Variants in TNRC6A observed in about 807,000 individuals in gnomAD.
The protein encoded by TNRC6A is trinucleotide repeat containing adaptor 6A.
TNRC6A carries 44 observed loss-of-function variants against 221.2 expected under a neutral mutation model. That is an observed-to-expected ratio of 0.20 (90% CI 0.16 to 0.26). TNRC6A has a LOEUF of 0.26. Ranked by LOEUF, TNRC6A falls within the 10% of genes least tolerant of loss-of-function variation. The pLI is 1.00. For synonymous variants in TNRC6A, 847 were observed against 838.5 expected, an observed-to-expected ratio of 1.01 and a Z score of -0.18; for missense variants, 2,199 against 2,404.4, an observed-to-expected ratio of 0.91 and a Z score of 1.79.
intron 2 of TNRC6A, among the ~76,000 whole-genome samples, chr16:24,694,481 C>T (rs2055818220): frequency 6.6e-6 from 1 of 152,014 alleles, no homozygotes; most frequent in South Asian, 2.1e-4. Flanking sequence ...TGGTGAAACC[C>T]TGTCTCTACT....
chr16:24,643,086 T>TATATAAC (rs1555483539), intron 2 of TNRC6A, among the ~76,000 whole-genome samples: 1 of 136,928 alleles, frequency 7.3e-6, no homozygotes, highest in East Asian at 2.1e-4. Context: ...ATATTATATA[T>TATATAAC]ATATATTTTA....
chr16:24,703,247 C>G (rs1390876837), intron 2 of TNRC6A, among the ~76,000 whole-genome samples: 1 of 152,112 alleles, frequency 6.6e-6, no homozygotes. Context: ...TACTTCCTCT[C>G]TCTATGGATT....
At chr16:24,663,534 T>C in intron 2 of TNRC6A, 1 of 162,494 alleles carries the variant, frequency 6.2e-6, no homozygotes, top group Non-Finnish European at 1.4e-5. Context: ...CCAACCTTGG[T>C]GACAGAGTGA....
At chr16:24,803,146 C>T (rs184092304) in intron 11 of TNRC6A, among the ~76,000 whole-genome samples, 4 of 152,214 alleles carry the variant, frequency 2.6e-5, no homozygotes, top group East Asian at 3.9e-4. Flanking sequence ...AGGCCAGGTG[C>T]GGTGGCTCAC....
chr16:24,816,141 A>G (rs190070289), intron 19 of TNRC6A: 13 of 152,102 alleles, frequency 8.5e-5, no homozygotes, highest in Admixed American at 8.5e-4. Flanking sequence ...CCTAGCTAAC[A>G]CGGTGAAACC....
chr16:24,729,892 G>A (rs749456421), intron 1 of TNRC6A, 46 bp downstream of exon 1: 25 of 1,229,794 alleles, frequency 2.0e-5, no homozygotes, highest in Middle Eastern at 3.1e-4. Context: ...AGCCGCGGGC[G>A]CTGCCGCAGG....
At chr16:24,776,191 G>A (rs35450506) in intron 4 of TNRC6A, 4 of 894,906 alleles carry the variant, frequency 4.5e-6, no homozygotes, top group Non-Finnish European at 5.3e-6. Context: ...ACTAGCTTAA[G>A]GCATTTCCAT....
intron 5 of TNRC6A, among the ~76,000 whole-genome samples, chr16:24,787,727 G>A (rs552327979): frequency 3.0e-4 from 45 of 152,188 alleles, no homozygotes; most frequent in African/African-American, 1.0e-3. Flanking sequence ...TATCATTTCC[G>A]GTCTCTCTCC....
intron 2 of TNRC6A, among the ~76,000 whole-genome samples, chr16:24,641,226 C>T (rs1596576356): frequency 1.3e-5 from 2 of 152,316 alleles, no homozygotes; most frequent in South Asian, 4.1e-4. Flanking sequence ...ACGTCACCTT[C>T]TGAAGGTGGA....
intron 2 of TNRC6A, among the ~76,000 whole-genome samples, chr16:24,723,170 G>T (rs1321283774): frequency 6.6e-6 from 1 of 152,156 alleles, no homozygotes; most frequent in Non-Finnish European, 1.5e-5. Flanking sequence ...GATTTTCCAG[G>T]ATTCATTCCT....
intron 2 of TNRC6A, among the ~76,000 whole-genome samples, chr16:24,678,146 C>T (rs2055457380): frequency 6.6e-6 from 1 of 151,832 alleles, no homozygotes; most frequent in Non-Finnish European, 1.5e-5. Context: ...CCCATCTCTA[C>T]TAAAAATACA....
In TNRC6A at chr16:24,710,384, G is replaced by C. The variant is rs1242459585; in HGVS notation, n.403-40342G>C. ...GCACTTCGAGAGGCTGAGGCAGGAGGATCACTGGAGCCCAGGAGTTCAAGA... is the reference window on the plus strand; with the variant it reads ...GCACTTCGAGAGGCTGAGGCAGGAGCATCACTGGAGCCCAGGAGTTCAAGA... On this transcript the variant is annotated intron_variant and non_coding_transcript_variant, in intron 2 of 2. Coordinates refer to the TNRC6A transcript ENST00000566108. 3.3e-5 allele frequency among the ~76,000 whole-genome samples: 5 copies of C among 152,238 alleles called. No homozygotes were observed. The East Asian group carries it at 9.7e-4, about 29-fold the overall frequency.
intron 6 of TNRC6A, among the ~76,000 whole-genome samples, chr16:24,793,167 C>G (rs2058146045): frequency 1.3e-5 from 2 of 152,184 alleles, no homozygotes; most frequent in African/African-American, 4.8e-5. Context: ...AATGACTTGA[C>G]TTTTTCAGGA....
Position 24,784,614 on chromosome 16 carries a change from G to A in TNRC6A, c.590-4618G>A, listed in dbSNP as rs2057927359. On this transcript the variant is annotated intron_variant, in intron 5 of 24. Transcript: ENST00000395799. Reference sequence around the variant, plus strand: ...TGGGATTACAGGCATGAGCTAGAATGCCAAACGAATTTTTTTTCCTAAACT... The same window carrying A: ...TGGGATTACAGGCATGAGCTAGAATACCAAACGAATTTTTTTTCCTAAACT... 2.0e-5 allele frequency among the ~76,000 whole-genome samples: 3 copies of A among 152,184 alleles called. No individual in the cohort carries two copies. In the South Asian group the frequency reaches 6.2e-4, roughly 31 times the overall value.
chr16:24,753,042 A>G (rs896423441), intron 3 of TNRC6A, among the ~76,000 whole-genome samples: 1 of 152,262 alleles, frequency 6.6e-6, no homozygotes, highest in Admixed American at 6.5e-5. Flanking sequence ...TCTAATTGTT[A>G]CAAGTAAATC....
At chr16:24,614,351 G>A (rs1172348610) in intron 1 of TNRC6A, among the ~76,000 whole-genome samples, 4 of 152,232 alleles carry the variant, frequency 2.6e-5, no homozygotes, top group African/African-American at 7.2e-5. Context: ...CTTGTTGGGT[G>A]GAGGTACAAA....
chr16:24,611,348 C>T (rs1441050757), intron 1 of TNRC6A, among the ~76,000 whole-genome samples: 1 of 152,126 alleles, frequency 6.6e-6, no homozygotes, highest in African/African-American at 2.4e-5. Flanking sequence ...GCTGTGTGTA[C>T]GTGCGTGCAC....
Position 24,789,907 on chromosome 16 carries a change from G to A in TNRC6A, c.1265G>A (p.Ser422Asn). 2 of 1,613,920 alleles carry A rather than the reference G, an allele frequency of 1.2e-6. No individual in the cohort carries two copies. Among genetic ancestry groups the A allele is most frequent in the Non-Finnish European group, 1.7e-6 (2 of 1,179,962 alleles). The change falls in exon 6 of 25, where the codon AGC becomes AAC. Residue 422 changes from serine (S) to asparagine (N), a missense_variant. Ser to Asn is a conservative substitution (Grantham distance 46). Coordinates refer to ENST00000395799, the MANE Select transcript of TNRC6A (RefSeq NM_014494.4). ...SGGSTHGTWG[S>N]LQETCESEVS... ...GGTTCTACCCATGGTACCTGGGGAA[G>A]CCTTCAGGAAACTTGTGAATCTGAA...
At chr16:24,698,851 T>C (rs1235800232) in intron 2 of TNRC6A, among the ~76,000 whole-genome samples, 1 of 152,144 alleles carries the variant, frequency 6.6e-6, no homozygotes, top group East Asian at 1.9e-4. Context: ...GCTGGGATTA[T>C]GGGCATGTGC....
Sources: allele counts gnomAD v4.1 joint callset (sites outside exome capture counted in the v4.1 genomes callset), GRCh38; gene constraint gnomAD v4.1.1; transcripts MANE v1.5; gene names NCBI Gene and HGNC (gene_info 2026-07-23, HGNC 2026-07-21).